Variants in KCTD15 observed in about 807,000 individuals in gnomAD.
KCTD15 encodes the protein potassium channel tetramerization domain containing 15.
A neutral mutation model predicts 27.2 loss-of-function variants in KCTD15; 11 were observed. The ratio of observed to expected loss-of-function variants is 0.41; its 90% CI spans 0.25 to 0.67. The LOEUF (loss-of-function observed/expected upper bound fraction) is 0.67. Ranked by LOEUF, KCTD15 falls within the 30% of genes least tolerant of loss-of-function variation. KCTD15 has a pLI of 0.35. For synonymous variants in KCTD15, 163 were observed against 176.0 expected (o/e 0.93, Z 0.58); for missense variants, 350 against 409.3 (o/e 0.86, Z 1.25).
rs14810 is a variant in KCTD15, at chr19:33,813,998, C to G, written c.*1050C>G. The G allele has an allele frequency of 0.71, 107,642 of 152,536 alleles. 39,208 individuals carry two copies. The highest frequency in any genetic ancestry group is 0.86 in the African/African-American group (35,548 of 41,496). The allele number at this position is 152,536 out of a possible 1,614,324, so 9.4% of individuals were successfully genotyped here. On this transcript the variant is annotated 3_prime_UTR_variant, in exon 7 of 7. Coordinates refer to ENST00000683859, the MANE Select transcript of KCTD15 (RefSeq NM_001129994.2). Reference sequence around the variant, plus strand: ...AGGAGTCCTTGCAGACCTGCTGCCTCCCCCACGACAGGCCCAAAGATGGAC... The same window carrying G: ...AGGAGTCCTTGCAGACCTGCTGCCTGCCCCACGACAGGCCCAAAGATGGAC...
chr19:33,805,239 C>G (rs1207401943), intron 4 of KCTD15, among the ~76,000 whole-genome samples: 2 of 152,148 alleles, frequency 1.3e-5, no homozygotes, highest in African/African-American at 2.4e-5. Context: ...GCCCTTTATA[C>G]TACCCTGCTA....
intron 4 of KCTD15, among the ~76,000 whole-genome samples, chr19:33,806,316 G>T (rs756716441): frequency 1.6e-4 from 24 of 152,216 alleles, no homozygotes; most frequent in Middle Eastern, 3.2e-3. Flanking sequence ...CATGATATGT[G>T]TGTGTTGGGA....
At position 33,806,845 on chromosome 19, in the gene KCTD15, C is replaced by T. The variant is rs1227313704; in HGVS notation, c.243-18C>T. Reference sequence around the variant, plus strand: ...GTCCCCATCCCTTCAGACATCCCACCTCGCCTGTCTCTCCCAGGATAAGCC... The same window carrying T: ...GTCCCCATCCCTTCAGACATCCCACTTCGCCTGTCTCTCCCAGGATAAGCC... On this transcript the variant is annotated intron_variant, in intron 4 of 6. Transcript: ENST00000683859. 2.5e-6 allele frequency: 4 copies of T among 1,611,834 alleles called. No homozygotes were observed. Among genetic ancestry groups the T allele is most frequent in the Non-Finnish European group, 3.4e-6 (4 of 1,178,524 alleles).
At chr19:33,803,855 A>G (rs1292863531) in intron 4 of KCTD15, among the ~76,000 whole-genome samples, 1 of 151,850 alleles carries the variant, frequency 6.6e-6, no homozygotes, top group Non-Finnish European at 1.5e-5. Context: ...TAAAAAAAAA[A>G]AGGAAATAAA....
intron 4 of KCTD15, among the ~76,000 whole-genome samples, chr19:33,802,101 G>GT (rs1328955565): frequency 6.6e-6 from 1 of 152,200 alleles, no homozygotes; most frequent in Non-Finnish European, 1.5e-5. Context: ...CTTGCAGGGT[G>GT]TTTCTCTCCT....
chr19:33,801,280 C>T lies in KCTD15; in HGVS notation c.180C>T (p.Ile60=), dbSNP rs755214116. The T allele has an allele frequency of 1.9e-6, 3 of 1,613,492 alleles. No homozygotes were observed. The highest frequency in any genetic ancestry group is 1.1e-5 in the South Asian group (1 of 90,998). Residue 60 remains isoleucine, a synonymous_variant, in exon 4 of 7, where the codon ATC becomes ATT. Coordinates refer to ENST00000683859, the MANE Select transcript of KCTD15 (RefSeq NM_001129994.2). ...QLTKSNAPVH[I]DVGGHMYTSS... ...CCAAGTCCAATGCACCTGTGCACAT[C>T]GATGTGGGCGGCCACATGTACACCA...
At position 33,813,420 on chromosome 19, in the gene KCTD15, A is replaced by C. The variant is rs1975994916; in HGVS notation, c.*472A>C. The C allele has an allele frequency of 4.4e-6, 2 of 458,206 alleles. No individual in the cohort carries two copies. Among genetic ancestry groups the C allele is most frequent in the South Asian group, 1.5e-5 (1 of 64,548 alleles). The allele number at this position is 458,206 out of a possible 1,614,324, so 28.4% of individuals were successfully genotyped here. A position where few individuals can be genotyped will look rare whatever the true frequency, so the allele number is the denominator to read the frequency against. ...AAAGTCAGAGAGGCTGACAAGGACC[A>C]ATGCTTCTTTATCTGGTGCTCAGTT... is the stretch of plus-strand genomic sequence containing the variant. On this transcript the variant is annotated 3_prime_UTR_variant, in exon 7 of 7. Coordinates refer to ENST00000683859, the MANE Select transcript of KCTD15 (RefSeq NM_001129994.2).
rs568591850 is a variant in KCTD15, at chr19:33,811,966, C to T, written c.693+414C>T. 243 of 1,502,790 alleles carry T rather than the reference C, an allele frequency of 1.6e-4. 7 individuals carry two copies. The South Asian group carries it at 2.5e-3, about 16-fold the overall frequency. 93.1% of individuals were successfully genotyped at this position (1,502,790 alleles called of 1,614,324 possible). On this transcript the variant is annotated intron_variant, in intron 6 of 6. Transcript: ENST00000683859. The stretch of plus-strand genomic sequence containing the variant: ...CCTGCTGACCTGGGAGTCGCAGGCA[C>T]CCACCAGCTGCCAAGAGAATCCCTG...
upstream of KCTD15, among the ~76,000 whole-genome samples, chr19:33,795,612 C>G (rs1408659196): frequency 1.3e-5 from 2 of 152,020 alleles, no homozygotes; most frequent in Non-Finnish European, 2.9e-5. Flanking sequence ...TCGCGCGCTC[C>G]GTTTCCTAGG....
At chr19:33,801,827 G>A (rs1454081964) in intron 4 of KCTD15, 1 of 153,078 alleles carries the variant, frequency 6.5e-6, no homozygotes, top group Non-Finnish European at 1.5e-5. Flanking sequence ...GAGGAGCTGT[G>A]GTGAGCTGCA....
intron 6 of KCTD15, 170 bp downstream of exon 6, chr19:33,811,722 T>C: frequency 6.4e-7 from 1 of 1,566,268 alleles, no homozygotes; most frequent in Non-Finnish European, 8.7e-7. Flanking sequence ...CCTCTCATAA[T>C]TAAATGATGG....
At chr19:33,801,716 C>A in intron 4 of KCTD15, 1 of 183,248 alleles carries the variant, frequency 5.5e-6, no homozygotes, top group East Asian at 1.4e-4. Context: ...TGCAGGGGGT[C>A]ATTTGTGAGT....
intron 4 of KCTD15, 128 bp downstream of exon 4, chr19:33,801,470 G>A: frequency 1.3e-6 from 1 of 779,232 alleles, no homozygotes; most frequent in Non-Finnish European, 2.0e-6. Context: ...TGCACAAGCT[G>A]ACACAGCCTG....
Position 33,806,856 on chromosome 19 carries a change from C to T in KCTD15, c.243-7C>T. ...TTCAGACATCCCACCTCGCCTGTCT[C>T]TCCCAGGATAAGCCGCCTCTTCAAT... On this transcript the variant is annotated splice_polypyrimidine_tract_variant and splice_region_variant and intron_variant, in intron 4 of 6. Coordinates refer to ENST00000683859, the MANE Select transcript of KCTD15 (RefSeq NM_001129994.2). 1 of 1,613,404 alleles carries T rather than the reference C, an allele frequency of 6.2e-7. No homozygotes were observed. The highest frequency in any genetic ancestry group is 2.2e-5 in the East Asian group (1 of 44,860).
In KCTD15 at chr19:33,815,469, C is replaced by T. The variant is rs563224366; in HGVS notation, c.*2521C>T. ...CAGCAATCTTTTGTCAAATGCCAGC[C>T]GTATAAATGTTACTTCTGCTCTTTG... On this transcript the variant is annotated 3_prime_UTR_variant, in exon 7 of 7. Transcript: ENST00000683859. 8 of 152,176 alleles carry T rather than the reference C, an allele frequency of 5.3e-5. No individual in the cohort carries two copies. The highest frequency in any genetic ancestry group is 3.9e-4 in the East Asian group (2 of 5,168). 9.4% of individuals were successfully genotyped at this position (152,176 alleles called of 1,614,324 possible).
chr19:33,794,603 C>T (rs1975264817), upstream of KCTD15, among the ~76,000 whole-genome samples: 1 of 152,218 alleles, frequency 6.6e-6, no homozygotes, highest in Admixed American at 6.5e-5. Flanking sequence ...CCTGCTCCAC[C>T]TTCCCTCATT....
chr19:33,800,477 C>A lies in KCTD15; in HGVS notation c.23C>A (p.Pro8Gln). 1 of 1,605,604 alleles carries A rather than the reference C, an allele frequency of 6.2e-7. No individual in the cohort carries two copies. Reference sequence around the variant, plus strand: ...TAGATGCCTCACCGCAAGGAGCGGCCGAGCGGGTCCTCGCTTCACACACAC... The same window carrying A: ...TAGATGCCTCACCGCAAGGAGCGGCAGAGCGGGTCCTCGCTTCACACACAC... The part of the protein sequence containing the change: MPHRKER[P>Q]SGSSLHTHGS... The change falls in exon 3 of 7, where the codon CCG becomes CAG. Residue 8 changes from proline to glutamine, a missense_variant. By Grantham distance (76) the Pro-to-Gln change is moderately conservative. This residue lies in a region of KCTD15 where 77 missense variants were observed against 72.7 expected (regional missense o/e 1.06). Coordinates refer to ENST00000683859, the MANE Select transcript of KCTD15 (RefSeq NM_001129994.2).
rs574862672 is a variant in KCTD15 at position 33,813,310 on chromosome 19, G to T, written c.*362G>T. ...AGAGGAGCTGTTTATCCCTCTCCAC[G>T]CGGGGCAGACTCTGGCGGGTCTCCT... On this transcript the variant is annotated 3_prime_UTR_variant, in exon 7 of 7. Coordinates refer to ENST00000683859, the MANE Select transcript of KCTD15 (RefSeq NM_001129994.2). 3 of 536,500 alleles carry T rather than the reference G, an allele frequency of 5.6e-6. No homozygotes were observed. The highest frequency in any genetic ancestry group is 3.8e-5 in the African/African-American group (2 of 53,182). 33.2% of individuals were successfully genotyped at this position (536,500 alleles called of 1,614,324 possible).
chr19:33,813,080 C>T lies in KCTD15; in HGVS notation c.*132C>T. 1.1e-6 allele frequency: 1 copy of T among 910,790 alleles called. No homozygotes were observed. The allele number at this position is 910,790 out of a possible 1,614,324, so 56.4% of individuals were successfully genotyped here. On this transcript the variant is annotated 3_prime_UTR_variant, in exon 7 of 7. Coordinates refer to ENST00000683859, the MANE Select transcript of KCTD15 (RefSeq NM_001129994.2). Reference sequence around the variant, plus strand: ...GAGGGTCCAAAGCTGGCCCAGCGAGCACCAGGGTCCCAGGTGTCATGGCAA... The same window carrying T: ...GAGGGTCCAAAGCTGGCCCAGCGAGTACCAGGGTCCCAGGTGTCATGGCAA...
Sources: gnomAD v4.1 joint callset for allele counts (sites outside exome capture counted in the v4.1 genomes callset) on GRCh38, gnomAD v4.1.1 for gene constraint, gnomAD v4.1.1 regional missense constraint, MANE v1.5 for transcripts, NCBI Gene and HGNC (gene_info 2026-07-23, HGNC 2026-07-21) for gene names.